NBAS: variants seen among roughly 807,000 people sequenced by gnomAD.
NBAS encodes NBAS subunit of NRZ tethering complex, also known as NAG/BC035112 fusion.
A neutral mutation model predicts 302.5 loss-of-function variants in NBAS; 219 were observed. The ratio of observed to expected loss-of-function variants is 0.72; its 90% CI spans 0.65 to 0.81. The LOEUF (loss-of-function observed/expected upper bound fraction) is 0.81. Ranked by LOEUF, NBAS falls within the 30% of genes least tolerant of loss-of-function variation. NBAS has a pLI of 0.00. For synonymous variants in NBAS, 1,118 were observed against 1,021.6 expected, an observed-to-expected ratio of 1.09 and a Z score of -1.80; for missense variants, 2,932 against 2,841.6, an observed-to-expected ratio of 1.03 and a Z score of -0.72.
the NBAS span, among the ~76,000 whole-genome samples, chr2:15,121,420 T>G: frequency 6.6e-5 from 10 of 152,102 alleles, no homozygotes; most frequent in Non-Finnish European, 1.2e-4. Flanking sequence ...TGATGATGGC[T>G]CTCATAATGG....
At chr2:14,919,697 C>T in the NBAS span, among the ~76,000 whole-genome samples, 1 of 152,166 alleles carries the variant, frequency 6.6e-6, no homozygotes, top group African/African-American at 2.4e-5. Context: ...AGCATCCTGA[C>T]CAGGAGTAGA....
At chr2:14,935,584 T>C in the NBAS span, among the ~76,000 whole-genome samples, 3 of 138,486 alleles carry the variant, frequency 2.2e-5, no homozygotes. Flanking sequence ...GATCCTGTTA[T>C]GGTTTTCCTT....
the NBAS span, among the ~76,000 whole-genome samples, chr2:14,844,695 C>G: frequency 1.3e-5 from 2 of 152,230 alleles, no homozygotes; most frequent in South Asian, 4.2e-4. Flanking sequence ...GAGGCCCAGA[C>G]CAGGCAGCAT....
intron 35 of NBAS, among the ~76,000 whole-genome samples, chr2:15,347,203 T>C (rs762186914): frequency 2.0e-5 from 3 of 152,212 alleles, no homozygotes; most frequent in Non-Finnish European, 4.4e-5. Flanking sequence ...ACATATTCCT[T>C]GTGGAAATGT....
chr2:15,524,172 CAAATT>C (rs796071185), intron 9 of NBAS, among the ~76,000 whole-genome samples: 29 of 152,272 alleles, frequency 1.9e-4, no homozygotes, highest in African/African-American at 7.0e-4. Context: ...ATTTTTTACA[CAAATT>C]AAATTAAAAA....
chr2:15,155,774 T>G, the NBAS span, among the ~76,000 whole-genome samples: 1 of 152,178 alleles, frequency 6.6e-6, no homozygotes. Flanking sequence ...CATACACACA[T>G]AAAACTGACT....
At chr2:15,084,497 G>T in the NBAS span, among the ~76,000 whole-genome samples, 1 of 152,194 alleles carries the variant, frequency 6.6e-6, no homozygotes, top group East Asian at 1.9e-4. Context: ...AAATACCTCA[G>T]AGTGCCTGGG....
At position 15,276,857 on chromosome 2, in the gene NBAS, C is replaced by T; in HGVS notation, c.5383G>A (p.Ala1795Thr). 6.2e-7 allele frequency: 1 copy of T among 1,613,984 alleles called. No homozygotes were observed. The highest frequency in any genetic ancestry group is 2.2e-5 in the East Asian group (1 of 44,858). The change falls in exon 43 of 52, where the codon GCA (alanine) becomes ACA (threonine). Residue 1795 changes from alanine to threonine, a missense_variant. Coordinates refer to ENST00000281513, the MANE Select transcript of NBAS (RefSeq NM_015909.4). ...IRLLKKFKVV[A>T]SGLNYKKLTD... Reference sequence around the variant, plus strand: ...AGGGAAACAACCATCCTACCTGATGCAACAACCTTAAACTTCTTCAGCAGT... The same window carrying T: ...AGGGAAACAACCATCCTACCTGATGTAACAACCTTAAACTTCTTCAGCAGT...
intron 30 of NBAS, among the ~76,000 whole-genome samples, chr2:15,378,374 G>A (rs878928312): frequency 6.6e-5 from 10 of 152,172 alleles, no homozygotes; most frequent in African/African-American, 1.9e-4. Flanking sequence ...CACTGCAAAC[G>A]AGAGTTGGAA....
Position 15,179,115 on chromosome 2 carries a change from C to G in NBAS, c.6713G>C (p.Gly2238Ala). The G allele has an allele frequency of 6.2e-7, 1 of 1,614,102 alleles. No individual in the cohort carries two copies. Among genetic ancestry groups the G allele is most frequent in the Non-Finnish European group, 8.5e-7 (1 of 1,180,006 alleles). The change falls in exon 51 of 52, where the codon GGT (glycine) becomes GCT (alanine). Residue 2238 changes from glycine to alanine, a missense_variant and splice_region_variant. Transcript: ENST00000281513. ...CAGCAGCAGACACAGCTCCTTCACA[C>G]CCTGAAACCACAGAGCAGGGGTGAG... ...YNTKQMLPAEGVKELCLLLLN... is the reference protein window; with the variant it reads ...YNTKQMLPAEAVKELCLLLLN...
chr2:15,114,329 C>T, the NBAS span, among the ~76,000 whole-genome samples: 1 of 152,178 alleles, frequency 6.6e-6, no homozygotes, highest in African/African-American at 2.4e-5. Flanking sequence ...AGATGGACCT[C>T]CTCTCCTGGT....
the NBAS span, among the ~76,000 whole-genome samples, chr2:15,036,844 A>AAT: frequency 6.6e-6 from 1 of 152,118 alleles, no homozygotes; most frequent in African/African-American, 2.4e-5. Flanking sequence ...AAGAGCACAC[A>AAT]GCTGGCAGAT....
At chr2:15,433,916 G>A (rs1427916769) in intron 21 of NBAS, among the ~76,000 whole-genome samples, 2 of 150,610 alleles carry the variant, frequency 1.3e-5, no homozygotes, top group African/African-American at 2.4e-5. Context: ...CCCGGCAACA[G>A]AGCAAGACCT....
chr2:14,868,686 C>G, the NBAS span, among the ~76,000 whole-genome samples: 1 of 152,204 alleles, frequency 6.6e-6, no homozygotes, highest in Non-Finnish European at 1.5e-5. Context: ...TTTAGTCTAA[C>G]TAACAAAGCA....
rs553662664 is a variant in NBAS at position 15,263,719 on chromosome 2, T to C, written c.5724+11765A>G. On this transcript the variant is annotated intron_variant, in intron 44 of 51. Coordinates refer to ENST00000281513, the MANE Select transcript of NBAS (RefSeq NM_015909.4). ...AGTTAAAGACTCAGCTCAAATACCT[T>C]TTATACTACGGGGCCTTTCCTGGCT... Among the ~76,000 whole-genome samples, 6 of 152,322 alleles carry C rather than the reference T, an allele frequency of 3.9e-5. No individual in the cohort carries two copies. The South Asian group carries it at 8.3e-4, about 21-fold the overall frequency.
intron 48 of NBAS, among the ~76,000 whole-genome samples, chr2:15,199,668 T>C (rs1665786180): frequency 2.0e-5 from 3 of 152,118 alleles, no homozygotes; most frequent in Admixed American, 2.0e-4. Flanking sequence ...GTCAAAATAA[T>C]ACAGAAAAAT....
At chr2:15,298,480 G>A (rs918100835) in intron 40 of NBAS, among the ~76,000 whole-genome samples, 2 of 152,090 alleles carry the variant, frequency 1.3e-5, no homozygotes, top group Non-Finnish European at 2.9e-5. Context: ...TAAAACTGAA[G>A]CAATTTCTTC....
chr2:14,779,097 AT>A, the NBAS span, among the ~76,000 whole-genome samples: 3 of 152,190 alleles, frequency 2.0e-5, no homozygotes, highest in African/African-American at 7.2e-5. Context: ...AGTTCAGGTA[AT>A]CAATGCAGTG....
chr2:14,940,139 T>G, the NBAS span, among the ~76,000 whole-genome samples: 1 of 152,264 alleles, frequency 6.6e-6, no homozygotes, highest in Admixed American at 6.5e-5. Flanking sequence ...GAACTCAGTT[T>G]GGAATCTCTG....
Sources: gnomAD v4.1 joint callset for allele counts (sites outside exome capture counted in the v4.1 genomes callset) on GRCh38, gnomAD v4.1.1 for gene constraint, MANE v1.5 for transcripts, NCBI Gene and HGNC (gene_info 2026-07-23, HGNC 2026-07-21) for gene names.